Variants in C2orf49 observed in about 807,000 individuals in gnomAD.
The protein encoded by C2orf49 is tRNA splicing ligase complex subunit 2.
A neutral mutation model predicts 20.6 loss-of-function variants in C2orf49; 11 were observed. The observed-to-expected ratio is 0.53, with a 90% CI of 0.34 to 0.88. The LOEUF is 0.88. Among genes scored for constraint, C2orf49 ranks in the 40% least tolerant of loss-of-function variants. The pLI is 0.02. For synonymous variants in C2orf49, 134 were observed against 108.5 expected (o/e 1.24, Z -1.46); for missense variants, 289 against 274.2 (o/e 1.05, Z -0.38).
chr2:105,347,203 C>T lies in C2orf49; in HGVS notation c.*1832C>T, dbSNP rs187928272. ...AGTATTGCATAAATTGTTAACGTTA[C>T]AGTAAATTGTTATCTGCAGGGCTGA... is the stretch of plus-strand genomic sequence containing the variant. On this transcript the variant is annotated 3_prime_UTR_variant, in exon 4 of 4. Coordinates refer to ENST00000258457, the MANE Select transcript of C2orf49 (RefSeq NM_024093.3). 37 of 152,216 alleles carry T rather than the reference C, an allele frequency of 2.4e-4. No individual in the cohort carries two copies. The highest frequency in any genetic ancestry group is 4.6e-4 in the Admixed American group (7 of 15,298). 9.4% of individuals were successfully genotyped at this position (152,216 alleles called of 1,614,324 possible). A position where few individuals can be genotyped will look rare whatever the true frequency, so the allele number is the denominator to read the frequency against.
the C2orf49 span, among the ~76,000 whole-genome samples, chr2:105,377,493 T>C: frequency 6.6e-6 from 1 of 151,866 alleles, no homozygotes; most frequent in Non-Finnish European, 1.5e-5. Context: ...TAGCCAGGCG[T>C]GGTGGTGCAT....
intron 1 of C2orf49, among the ~76,000 whole-genome samples, chr2:105,338,741 T>A (rs1408773198): frequency 6.6e-6 from 1 of 152,182 alleles, no homozygotes; most frequent in Non-Finnish European, 1.5e-5. Context: ...GTGCTTTTAT[T>A]AGTTTTTGTT....
At chr2:105,342,485 A>G (rs752621164) in intron 2 of C2orf49, among the ~76,000 whole-genome samples, 1 of 151,934 alleles carries the variant, frequency 6.6e-6, no homozygotes. Context: ...TCATCCTTTT[A>G]AAATAATAAC....
Position 105,343,131 on chromosome 2 carries a change from T to G in C2orf49, c.550T>G (p.Ser184Ala). The change falls in exon 3 of 4, where the codon TCA becomes GCA. Residue 184 changes from serine to alanine, a missense_variant. Physicochemically the swap from Ser to Ala is moderately conservative, Grantham distance 99. Transcript: ENST00000258457. Reference protein sequence around the residue: ...NHDLTHRKSPSGPVKSPPLSP... With the variant: ...NHDLTHRKSPAGPVKSPPLSP... The stretch of plus-strand genomic sequence containing the variant: ...TGACTTAACGCATAGGAAAAGTCCT[T>G]CAGGCCCTGTGAAGTCGCCACCATT... 2 of 1,614,222 alleles carry G rather than the reference T, an allele frequency of 1.2e-6. No individual in the cohort carries two copies. Among genetic ancestry groups the G allele is most frequent in the African/African-American group, 1.3e-5 (1 of 75,070 alleles).
chr2:105,367,768 A>G, the C2orf49 span: 3 of 1,605,740 alleles, frequency 1.9e-6, no homozygotes, highest in South Asian at 1.1e-5. Flanking sequence ...GGAACACAGC[A>G]GAGTTATGGT....
the C2orf49 span, among the ~76,000 whole-genome samples, chr2:105,382,718 CT>C: frequency 6.6e-6 from 1 of 152,088 alleles, no homozygotes. Context: ...TTGTAGCACC[CT>C]CCAAGCACAT....
the C2orf49 span, among the ~76,000 whole-genome samples, chr2:105,368,684 C>T: frequency 5.3e-5 from 8 of 152,192 alleles, no homozygotes. Context: ...TGCAAGTGCT[C>T]GGTGTCTGTT....
chr2:105,373,623 A>G, the C2orf49 span: 1 of 1,614,214 alleles, frequency 6.2e-7, no homozygotes, highest in South Asian at 1.1e-5. Flanking sequence ...AGCAGTCTGT[A>G]CAGAGCAGCT....
At chr2:105,349,425 A>AT (rs1212321493), downstream of C2orf49, among the ~76,000 whole-genome samples, 2 of 151,874 alleles carry the variant, frequency 1.3e-5, no homozygotes, top group Non-Finnish European at 2.9e-5. Context: ...TAGATTCTTC[A>AT]TTTTTTTTGT....
intron 1 of C2orf49, among the ~76,000 whole-genome samples, chr2:105,339,377 A>C (rs1188953627): frequency 6.6e-6 from 1 of 152,216 alleles, no homozygotes; most frequent in East Asian, 1.9e-4. Context: ...CACTGAGAAA[A>C]TATGACCATT....
At chr2:105,364,261 A>G in the C2orf49 span, among the ~76,000 whole-genome samples, 1 of 149,646 alleles carries the variant, frequency 6.7e-6, no homozygotes, top group East Asian at 1.9e-4. Context: ...CTCAAAAACA[A>G]AACAAAACAA....
At chr2:105,370,113 C>T in the C2orf49 span, among the ~76,000 whole-genome samples, 4 of 152,308 alleles carry the variant, frequency 2.6e-5, 1 homozygote, top group East Asian at 7.7e-4. Context: ...GTGCCTCAGC[C>T]TTGTAATCCC....
At position 105,342,952 on chromosome 2, in the gene C2orf49, A is replaced by G; in HGVS notation, c.371A>G (p.Asp124Gly). 1.9e-6 allele frequency: 3 copies of G among 1,614,242 alleles called. No homozygotes were observed. Among genetic ancestry groups the G allele is most frequent in the Non-Finnish European group, 2.5e-6 (3 of 1,180,042 alleles). ...AAAAAGACAGAGAATGGAGATAATG[A>G]TCGACTGAAGCCTCCCCCGCAGGCA... The part of the protein sequence containing the change: ...KVKKTENGDN[D>G]RLKPPPQASF... The change falls in exon 3 of 4, where the codon GAT (aspartate) becomes GGT (glycine). Residue 124 changes from aspartate to glycine, a missense_variant. Asp to Gly is a moderately conservative substitution (Grantham distance 94). Transcript: ENST00000258457.
the C2orf49 span, chr2:105,363,449 G>C: frequency 1.2e-6 from 2 of 1,610,984 alleles, no homozygotes; most frequent in Non-Finnish European, 1.7e-6. Context: ...CTCCCGGTAA[G>C]TGACCCCTCC....
downstream of C2orf49, among the ~76,000 whole-genome samples, chr2:105,352,452 G>GT (rs71379724): frequency 0.32 from 22,469 of 69,184 alleles, 3,541 homozygotes; most frequent in Middle Eastern, 0.36. Context: ...TTTTTTTTTC[G>GT]TTTTTTTTTT....
rs575753944 is a variant in C2orf49, at chr2:105,346,636, G to C, written c.*1265G>C. The C allele has an allele frequency of 6.6e-6, 1 of 152,152 alleles. No homozygotes were observed. The highest frequency in any genetic ancestry group is 2.4e-5 in the African/African-American group (1 of 41,420). The allele number at this position is 152,152 out of a possible 1,614,324, so 9.4% of individuals were successfully genotyped here. ...ATAGCAGTCAGGGGCAAAAATTAGCGTAATATGGAGTAGGCAATAGAGGAG... is the reference window on the plus strand; with the variant it reads ...ATAGCAGTCAGGGGCAAAAATTAGCCTAATATGGAGTAGGCAATAGAGGAG... On this transcript the variant is annotated 3_prime_UTR_variant, in exon 4 of 4. Coordinates refer to ENST00000258457, the MANE Select transcript of C2orf49 (RefSeq NM_024093.3).
downstream of C2orf49, among the ~76,000 whole-genome samples, chr2:105,349,684 T>C (rs781510896): frequency 6.6e-6 from 1 of 152,128 alleles, no homozygotes; most frequent in Non-Finnish European, 1.5e-5. Context: ...CATGAAATAA[T>C]GGGTAATTGT....
the C2orf49 span, chr2:105,373,549 G>T: frequency 2.5e-6 from 4 of 1,614,124 alleles, no homozygotes; most frequent in Non-Finnish European, 3.4e-6. Flanking sequence ...AGAAAGGAGT[G>T]CCTCCTGACC....
intron 2 of C2orf49, among the ~76,000 whole-genome samples, chr2:105,340,392 T>C (rs1679634749): frequency 6.6e-6 from 1 of 152,160 alleles, no homozygotes; most frequent in South Asian, 2.1e-4. Context: ...GGAAGCGGTG[T>C]GTATAAGACT....
Sources: gnomAD v4.1 joint callset for allele counts (sites outside exome capture counted in the v4.1 genomes callset) on GRCh38, gnomAD v4.1.1 for gene constraint, MANE v1.5 for transcripts, NCBI Gene and HGNC (gene_info 2026-07-23, HGNC 2026-07-21) for gene names.